Variants in VTI1A observed in about 807,000 individuals in gnomAD.
VTI1A encodes the protein vesicle transport through interaction with t-SNAREs 1A.
VTI1A carries 22 observed loss-of-function variants against 34.9 expected under a neutral mutation model. That is an observed-to-expected ratio of 0.63 (90% CI 0.45 to 0.90). The LOEUF is 0.90. Ranked by LOEUF, VTI1A falls within the 40% of genes least tolerant of loss-of-function variation. VTI1A has a pLI of 0.00. For missense variants in VTI1A, 268 were observed against 275.6 expected (o/e 0.97, Z 0.20); for synonymous variants, 87 against 97.3 (o/e 0.89, Z 0.62).
the VTI1A span, among the ~76,000 whole-genome samples, chr10:112,846,436 G>A: frequency 0.036 from 5,482 of 152,276 alleles, 186 homozygotes; most frequent in African/African-American, 0.091. Flanking sequence ...GAACTAACTC[G>A]TGCTATGTAA....
the VTI1A span, among the ~76,000 whole-genome samples, chr10:112,846,715 G>A: frequency 7.4e-3 from 1,099 of 149,254 alleles, 10 homozygotes; most frequent in Non-Finnish European, 0.01. Context: ...GCAGTGAGCC[G>A]AGATCGCGCC....
chr10:112,561,028 T>C (rs1304855293), intron 5 of VTI1A, among the ~76,000 whole-genome samples: 1 of 152,196 alleles, frequency 6.6e-6, no homozygotes, highest in Non-Finnish European at 1.5e-5. Flanking sequence ...CTTTGTCTCT[T>C]ATTGTATTGA....
intron 7 of VTI1A, chr10:112,736,783 C>T: frequency 6.6e-7 from 1 of 1,509,200 alleles, no homozygotes. Context: ...GAACCAGAAC[C>T]AGCCAGTGGA....
intron 7 of VTI1A, among the ~76,000 whole-genome samples, chr10:112,792,175 T>C (rs1166372761): frequency 6.6e-6 from 1 of 152,098 alleles, no homozygotes; most frequent in African/African-American, 2.4e-5. Flanking sequence ...CTCAGGAGGC[T>C]GAGGCAGGAG....
At chr10:112,841,465 T>G in the VTI1A span, among the ~76,000 whole-genome samples, 1 of 152,158 alleles carries the variant, frequency 6.6e-6, no homozygotes, top group African/African-American at 2.4e-5. Flanking sequence ...GCAGTTTGGA[T>G]ACAAAGAAAT....
At chr10:112,542,319 C>T (rs1023249661) in intron 5 of VTI1A, among the ~76,000 whole-genome samples, 6 of 152,264 alleles carry the variant, frequency 3.9e-5, no homozygotes, top group South Asian at 4.2e-4. Context: ...GATGGGCCCC[C>T]GTGCACCTGG....
chr10:112,685,279 C>A (rs1033224956), intron 7 of VTI1A, among the ~76,000 whole-genome samples: 2 of 152,150 alleles, frequency 1.3e-5, no homozygotes, highest in Non-Finnish European at 2.9e-5. Flanking sequence ...CCATGATTCT[C>A]ACACTAGACC....
intron 5 of VTI1A, among the ~76,000 whole-genome samples, chr10:112,662,547 C>T (rs1245175212): frequency 6.6e-6 from 1 of 151,902 alleles, no homozygotes; most frequent in East Asian, 1.9e-4. Flanking sequence ...GTATTTTCAC[C>T]GATTATGTTT....
chr10:112,667,479 C>T (rs893945491), intron 5 of VTI1A, among the ~76,000 whole-genome samples: 6 of 152,154 alleles, frequency 3.9e-5, no homozygotes, highest in Non-Finnish European at 1.5e-5. Context: ...ATAAGATGAT[C>T]ATGGCAAGAG....
intron 5 of VTI1A, among the ~76,000 whole-genome samples, chr10:112,544,566 T>A (rs557349221): frequency 1.3e-5 from 2 of 151,064 alleles, no homozygotes; most frequent in East Asian, 3.9e-4. Flanking sequence ...CGACGCGAGG[T>A]ATTCAAGAGT....
intron 3 of VTI1A, among the ~76,000 whole-genome samples, chr10:112,496,775 T>C (rs1171631507): frequency 6.6e-6 from 1 of 152,192 alleles, no homozygotes; most frequent in African/African-American, 2.4e-5. Flanking sequence ...CTGTTTCAGC[T>C]AAGAACACAA....
At chr10:112,674,651 C>T (rs889617852) in intron 7 of VTI1A, among the ~76,000 whole-genome samples, 8 of 152,196 alleles carry the variant, frequency 5.3e-5, no homozygotes, top group Non-Finnish European at 1.0e-4. Context: ...GACCCTCAAT[C>T]ATGTATTGTA....
chr10:112,575,556 G>C (rs1295423410), intron 5 of VTI1A, among the ~76,000 whole-genome samples: 1 of 152,194 alleles, frequency 6.6e-6, no homozygotes, highest in Non-Finnish European at 1.5e-5. Flanking sequence ...CTTCATCCCT[G>C]CTGAGAGTGC....
intron 5 of VTI1A, among the ~76,000 whole-genome samples, chr10:112,661,042 A>G (rs1223864881): frequency 6.6e-6 from 1 of 152,186 alleles, no homozygotes; most frequent in East Asian, 1.9e-4. Flanking sequence ...GTGCAGTGGC[A>G]TGATCTTGCC....
chr10:112,483,266 C>G (rs1239675338), intron 3 of VTI1A, among the ~76,000 whole-genome samples: 1 of 151,868 alleles, frequency 6.6e-6, no homozygotes, highest in Non-Finnish European at 1.5e-5. Context: ...TCTGCCAGTT[C>G]TCCAATTAAA....
intron 5 of VTI1A, among the ~76,000 whole-genome samples, chr10:112,657,772 T>C (rs561002402): frequency 2.2e-4 from 33 of 152,030 alleles, no homozygotes; most frequent in Non-Finnish European, 4.4e-4. Context: ...TTATGAAAGT[T>C]AAAAACTTTT....
intron 5 of VTI1A, among the ~76,000 whole-genome samples, chr10:112,621,608 C>T (rs565753238): frequency 5.4e-4 from 82 of 152,288 alleles, no homozygotes; most frequent in African/African-American, 1.9e-3. Flanking sequence ...ACCATTCCAC[C>T]ACACTGTACT....
chr10:112,777,344 C>T (rs1222677419), intron 7 of VTI1A, among the ~76,000 whole-genome samples: 1 of 152,256 alleles, frequency 6.6e-6, no homozygotes, highest in East Asian at 1.9e-4. Context: ...TTCTTAGGCC[C>T]ACTATAGAAA....
At chr10:112,578,175 A>G (rs1353236976) in intron 5 of VTI1A, among the ~76,000 whole-genome samples, 1 of 152,232 alleles carries the variant, frequency 6.6e-6, no homozygotes, top group African/African-American at 2.4e-5. Flanking sequence ...CATTTCAGAC[A>G]GTATGGCAGC....
Sources: allele counts gnomAD v4.1 joint callset (sites outside exome capture counted in the v4.1 genomes callset), GRCh38; gene constraint gnomAD v4.1.1; transcripts MANE v1.5; gene names NCBI Gene and HGNC (gene_info 2026-07-23, HGNC 2026-07-21).